Variants in LDLRAD3 observed in about 807,000 individuals in gnomAD.
The protein encoded by LDLRAD3 is low-density lipoprotein receptor class A domain-containing protein 3.
In LDLRAD3, 20 loss-of-function variants were observed where a neutral mutation model predicts 29.4. That is an observed-to-expected ratio of 0.68 (90% CI 0.48 to 0.99). The LOEUF (loss-of-function observed/expected upper bound fraction) is 0.99, where lower values mean the gene tolerates loss of function less well. Among genes scored for constraint, LDLRAD3 ranks in the 50% least tolerant of loss-of-function variants. The probability of loss-of-function intolerance (pLI) is 0.00; values close to 1 mark genes in which losing one functional copy is unlikely to be tolerated. For missense variants in LDLRAD3, 420 were observed against 454.3 expected, an observed-to-expected ratio of 0.92 and a Z score of 0.69; for synonymous variants, 157 against 192.7, an observed-to-expected ratio of 0.81 and a Z score of 1.53.
chr11:36,013,784 G>C (rs755679579), intron 1 of LDLRAD3, among the ~76,000 whole-genome samples: 2 of 98,604 alleles, frequency 2.0e-5, no homozygotes, highest in Non-Finnish European at 4.5e-5. Flanking sequence ...GAGTGTGCCT[G>C]AGTTTTTTTC....
chr11:36,083,009 A>T (rs376474671), intron 3 of LDLRAD3, among the ~76,000 whole-genome samples: 3 of 152,224 alleles, frequency 2.0e-5, no homozygotes, highest in African/African-American at 7.2e-5. Flanking sequence ...GCATATATAT[A>T]TAAAAGACTT....
intron 4 of LDLRAD3, among the ~76,000 whole-genome samples, chr11:36,184,932 TAGCTCACC>T (rs1854823337): frequency 6.6e-6 from 1 of 152,228 alleles, no homozygotes; most frequent in Non-Finnish European, 1.5e-5. Flanking sequence ...CAAGTTGGTC[TAGCTCACC>T]ATTGCCCTTG....
intron 1 of LDLRAD3, among the ~76,000 whole-genome samples, chr11:36,001,758 CG>C (rs1851827250): frequency 6.7e-6 from 1 of 148,324 alleles, no homozygotes; most frequent in African/African-American, 2.5e-5. Flanking sequence ...ATATTGTATA[CG>C]TGTGTGTGTG....
Position 36,227,304 on chromosome 11 carries a change from AC to A in LDLRAD3, c.679del (p.His227ThrfsTer27), listed in dbSNP as rs1271662289. On this transcript the variant is annotated frameshift_variant, in exon 5 of 6. Coordinates refer to ENST00000315571, the MANE Select transcript of LDLRAD3 (RefSeq NM_174902.4). LOFTEE classifies it high-confidence loss of function. ...VLLSRLVVLD[H>X]PHHCNVTYNV... ...CTGTCCCGCCTGGTGGTCCTGGACC[AC>A]CCCCACCACTGCAACGTCACCTACA... 1 of 1,598,868 alleles carries A rather than the reference AC, an allele frequency of 6.3e-7. No individual in the cohort carries two copies. The highest frequency in any genetic ancestry group is 8.5e-7 in the Non-Finnish European group (1 of 1,174,270).
intron 4 of LDLRAD3, among the ~76,000 whole-genome samples, chr11:36,170,260 A>AT (rs1194587891): frequency 6.9e-6 from 1 of 144,152 alleles, no homozygotes; most frequent in African/African-American, 2.7e-5. Context: ...ATATATATAC[A>AT]CATATATATA....
chr11:36,059,055 C>T (rs1411071862), intron 2 of LDLRAD3, among the ~76,000 whole-genome samples: 5 of 152,146 alleles, frequency 3.3e-5, no homozygotes, highest in African/African-American at 4.8e-5. Flanking sequence ...CACAGGGCAG[C>T]TGAGTGGTCT....
chr11:35,952,729 T>G (rs1851153115), intron 1 of LDLRAD3, among the ~76,000 whole-genome samples: 1 of 152,108 alleles, frequency 6.6e-6, no homozygotes, highest in African/African-American at 2.4e-5. Flanking sequence ...GTTCAAAAAG[T>G]CTGGAAATAT....
intron 4 of LDLRAD3, among the ~76,000 whole-genome samples, chr11:36,191,407 G>A (rs1854940178): frequency 6.6e-6 from 1 of 151,672 alleles, no homozygotes; most frequent in African/African-American, 2.4e-5. Context: ...GCTGGGCGTG[G>A]TGGTGCTCGC....
Position 36,229,869 on chromosome 11 carries a change from A to C in LDLRAD3, c.*472A>C, listed in dbSNP as rs1250407905. ...CACTGGATGGTCACCCCCCCAAAAA[A>C]ATTCCATTTGAGCATCAAAACCTGC... On this transcript the variant is annotated 3_prime_UTR_variant, in exon 6 of 6. Coordinates refer to ENST00000315571, the MANE Select transcript of LDLRAD3 (RefSeq NM_174902.4). The C allele has an allele frequency of 6.4e-6, 1 of 155,814 alleles. No homozygotes were observed. Among genetic ancestry groups the C allele is most frequent in the African/African-American group, 2.4e-5 (1 of 41,528 alleles). 9.7% of individuals were successfully genotyped at this position (155,814 alleles called of 1,614,324 possible). A position where few individuals can be genotyped will look rare whatever the true frequency, so the allele number is the denominator to read the frequency against.
intron 1 of LDLRAD3, among the ~76,000 whole-genome samples, chr11:36,031,715 C>T (rs1222514332): frequency 1.3e-5 from 2 of 152,178 alleles, no homozygotes; most frequent in African/African-American, 4.8e-5. Context: ...AAACGGGGAC[C>T]AGCTTTAGAT....
intron 1 of LDLRAD3, among the ~76,000 whole-genome samples, chr11:35,946,837 C>G (rs529922679): frequency 6.6e-6 from 1 of 152,300 alleles, no homozygotes; most frequent in South Asian, 2.1e-4. Context: ...TTTTAACTTG[C>G]TGAGTAGCTG....
At chr11:36,194,062 G>A (rs1854995969) in intron 4 of LDLRAD3, among the ~76,000 whole-genome samples, 1 of 152,136 alleles carries the variant, frequency 6.6e-6, no homozygotes, top group Non-Finnish European at 1.5e-5. Flanking sequence ...GCATTTAGCT[G>A]CTTACATATT....
intron 4 of LDLRAD3, among the ~76,000 whole-genome samples, chr11:36,116,342 G>A (rs1048101748): frequency 1.3e-5 from 2 of 152,124 alleles, no homozygotes; most frequent in African/African-American, 4.8e-5. Context: ...GGTTCCATCT[G>A]GTATCTTGCT....
intron 4 of LDLRAD3, among the ~76,000 whole-genome samples, chr11:36,099,325 C>A (rs75032003): frequency 7.0e-6 from 1 of 143,550 alleles, no homozygotes; most frequent in East Asian, 1.9e-4. Flanking sequence ...AGCATTTCTT[C>A]AGTGATTAGA....
chr11:36,005,711 C>T (rs1851876695), intron 1 of LDLRAD3, among the ~76,000 whole-genome samples: 1 of 152,120 alleles, frequency 6.6e-6, no homozygotes, highest in African/African-American at 2.4e-5. Flanking sequence ...AAAGAACTGC[C>T]TTAGACTGGG....
intron 4 of LDLRAD3, among the ~76,000 whole-genome samples, chr11:36,144,526 C>G (rs1361982266): frequency 6.6e-6 from 1 of 150,508 alleles, no homozygotes; most frequent in African/African-American, 2.4e-5. Flanking sequence ...ATGTGGGGAG[C>G]GCCTCTGCCC....
chr11:36,023,553 CT>C (rs1307393863), intron 1 of LDLRAD3, among the ~76,000 whole-genome samples: 1 of 152,186 alleles, frequency 6.6e-6, no homozygotes, highest in Non-Finnish European at 1.5e-5. Context: ...CAGTACCTGC[CT>C]TTCAAGGATA....
chr11:36,199,566 T>TACACAC (rs57161243), intron 4 of LDLRAD3, among the ~76,000 whole-genome samples: 17,624 of 149,968 alleles, frequency 0.12, 1,196 homozygotes, highest in Non-Finnish European at 0.16. Flanking sequence ...GCTGTGGTTC[T>TACACAC]ACACACACAC....
rs1446126074 is a variant in LDLRAD3 at position 35,944,428 on chromosome 11, C to G, written c.46+284C>G. Among the ~76,000 whole-genome samples the G allele has an allele frequency of 6.6e-5, 10 of 152,002 alleles. No homozygotes were observed. Among genetic ancestry groups the G allele is most frequent in the Admixed American group, 5.9e-4 (9 of 15,284 alleles). On this transcript the variant is annotated intron_variant, in intron 1 of 5. Transcript: ENST00000315571. This position sits in a 1 kb window ranked among gnomAD's most constrained non-coding sequence, Gnocchi z 4.9. Reference sequence around the variant, plus strand: ...CGGGTCTGGGGAGCCCGGCGGCTGCCCCGATTGGGCGTAGCTCGAGTGTGG... The same window carrying G: ...CGGGTCTGGGGAGCCCGGCGGCTGCGCCGATTGGGCGTAGCTCGAGTGTGG...
Sources: allele counts gnomAD v4.1 joint callset (sites outside exome capture counted in the v4.1 genomes callset), GRCh38; gene constraint gnomAD v4.1.1; non-coding constraint Gnocchi (gnomAD v3.1); transcripts MANE v1.5; gene names NCBI Gene and HGNC (gene_info 2026-07-23, HGNC 2026-07-21).